DAPK2: variants seen among roughly 807,000 people sequenced by gnomAD.
The protein encoded by DAPK2 is death-associated protein kinase 2.
In DAPK2, 35 loss-of-function variants were observed where a neutral mutation model predicts 44.1. The observed-to-expected ratio is 0.79, with a 90% CI of 0.61 to 1.05. The LOEUF is 1.05. Ranked by LOEUF, DAPK2 falls within the 50% of genes least tolerant of loss-of-function variation. The probability of loss-of-function intolerance (pLI) is 0.00; values close to 1 mark genes in which losing one functional copy is unlikely to be tolerated. For missense variants in DAPK2, 453 were observed against 483.2 expected (o/e 0.94, Z 0.59); for synonymous variants, 174 against 182.6 (o/e 0.95, Z 0.38).
chr15:63,990,598 C>A lies in DAPK2; in HGVS notation c.93-6844G>T, dbSNP rs150998004. Among the ~76,000 whole-genome samples, 1 of 152,250 alleles carries A rather than the reference C, an allele frequency of 6.6e-6. No individual in the cohort carries two copies. Among genetic ancestry groups the A allele is most frequent in the Non-Finnish European group, 1.5e-5 (1 of 68,004 alleles). On this transcript the variant is annotated intron_variant, in intron 1 of 10. Transcript: ENST00000261891. The surrounding 1 kb of genome is among the most constrained non-coding windows in gnomAD (Gnocchi z 4.3). The stretch of plus-strand genomic sequence containing the variant: ...AGGGCCCCAGCCAAGGGACAAGATG[C>A]CACCAGAGGTGAGAGGTACCAAATG...
exon 1 of DAPK2, chr15:64,040,267 C>A: frequency 1.2e-6 from 2 of 1,613,510 alleles, no homozygotes; most frequent in Non-Finnish European, 1.7e-6. Context: ...AACATACAAT[C>A]CTGAAATGGG....
chr15:64,019,734 A>G (rs1181386334), intron 1 of DAPK2, among the ~76,000 whole-genome samples: 1 of 152,226 alleles, frequency 6.6e-6, no homozygotes, highest in African/African-American at 2.4e-5. Flanking sequence ...GAACAAATGA[A>G]TAAGCCAGCC....
chr15:63,925,852 T>C (rs1450091488), intron 7 of DAPK2, 89 bp downstream of exon 8: 2 of 1,543,548 alleles, frequency 1.3e-6, no homozygotes, highest in African/African-American at 2.7e-5. Context: ...GACAGCTATG[T>C]CAAAGTGGGG....
intron 3 of DAPK2, among the ~76,000 whole-genome samples, chr15:63,962,947 A>C (rs913973777): frequency 9.3e-4 from 142 of 152,302 alleles, no homozygotes; most frequent in African/African-American, 3.2e-3. Flanking sequence ...GTGCCCCCAG[A>C]GGTGGAGTCT....
In DAPK2 at chr15:63,939,234, A is replaced by G. The variant is rs761163560; in HGVS notation, c.581T>C (p.Val194Ala). 1.2e-6 allele frequency: 2 copies of G among 1,613,690 alleles called. No homozygotes were observed. Among genetic ancestry groups the G allele is most frequent in the Non-Finnish European group, 8.5e-7 (1 of 1,179,906 alleles). Reference sequence around the variant, plus strand: ...AGACAAACAGGCCTACAACTCACCAACAAATTCCGGCGTCCCAAAAATATT... The same window carrying G: ...AGACAAACAGGCCTACAACTCACCAGCAAATTCCGGCGTCCCAAAAATATT... The change falls in exon 4 of 11, where the codon GTT becomes GCT. Residue 194 changes from valine to alanine, a missense_variant and splice_region_variant. By Grantham distance (64) the Val-to-Ala change is moderately conservative. Transcript: ENST00000261891. This position sits in a 1 kb window ranked among gnomAD's most constrained non-coding sequence, Gnocchi z 4.3.
chr15:63,945,657 C>T (rs187213345), intron 3 of DAPK2, among the ~76,000 whole-genome samples: 11 of 152,314 alleles, frequency 7.2e-5, no homozygotes, highest in Non-Finnish European at 1.3e-4. Flanking sequence ...TGGAAAACTG[C>T]AGGTCCAGCT....
chr15:63,939,440 C>T lies in DAPK2; in HGVS notation c.454-79G>A, dbSNP rs1447663901. 8.3e-6 allele frequency: 12 copies of T among 1,440,658 alleles called. No individual in the cohort carries two copies. In the Admixed American group the frequency reaches 1.2e-4, roughly 14 times the overall value. The allele number at this position is 1,440,658 out of a possible 1,614,324, so 89.2% of individuals were successfully genotyped here. On this transcript the variant is annotated intron_variant, in intron 3 of 10. Coordinates refer to ENST00000261891, the Ensembl canonical transcript of DAPK2. This position sits in a 1 kb window ranked among gnomAD's most constrained non-coding sequence, Gnocchi z 4.3. ...GACGGTAATTAAAGGCTGGTTGGTT[C>T]GTGTTTTGGCTTTGGGGTTTGGGGT...
At chr15:63,943,113 CAA>C (rs5813266) in intron 3 of DAPK2, among the ~76,000 whole-genome samples, 2 of 145,032 alleles carry the variant, frequency 1.4e-5, no homozygotes, top group Non-Finnish European at 1.5e-5. Context: ...ATTCCTTTTG[CAA>C]AAAAAAAAAA....
At chr15:63,948,268 C>T (rs900408930) in intron 3 of DAPK2, among the ~76,000 whole-genome samples, 10 of 10,050 alleles carry the variant, frequency 1.0e-3, no homozygotes, top group East Asian at 0.1. Flanking sequence ...GAGACTCCAT[C>T]TCAAAAAAAA....
At chr15:63,934,621 TATCTC>T (rs1453091479) in intron 4 of DAPK2, among the ~76,000 whole-genome samples, 8 of 152,178 alleles carry the variant, frequency 5.3e-5, no homozygotes, top group African/African-American at 1.7e-4. Context: ...ACAGTGGTGT[TATCTC>T]AGCTCTGTGC....
chr15:63,953,473 A>G (rs535827232), intron 3 of DAPK2, among the ~76,000 whole-genome samples: 3 of 152,302 alleles, frequency 2.0e-5, no homozygotes, highest in African/African-American at 7.2e-5. Context: ...ATGGCTCAAT[A>G]GTACTTATTT....
intron 1 of DAPK2, among the ~76,000 whole-genome samples, chr15:64,021,255 T>C (rs2079674223): frequency 6.6e-6 from 1 of 152,158 alleles, no homozygotes; most frequent in Admixed American, 6.5e-5. Flanking sequence ...CAGCACAGGA[T>C]GATACTGCGA....
chr15:63,955,737 T>A (rs2077706020), intron 3 of DAPK2, among the ~76,000 whole-genome samples: 1 of 151,994 alleles, frequency 6.6e-6, no homozygotes, highest in African/African-American at 2.4e-5. Context: ...CCAGCTAATT[T>A]TTGTATTTTC....
chr15:64,038,893 T>A (rs926047527), intron 1 of DAPK2, among the ~76,000 whole-genome samples: 1 of 152,190 alleles, frequency 6.6e-6, no homozygotes, highest in Non-Finnish European at 1.5e-5. Flanking sequence ...ACCCCTCTGC[T>A]CACTGAGATA....
chr15:63,989,188 CAAAAAA>C (rs55972299), intron 1 of DAPK2, among the ~76,000 whole-genome samples: 64,884 of 109,904 alleles, frequency 0.59, 17,052 homozygotes, highest in Admixed American at 0.65. Context: ...ACTTTGTCTC[CAAAAAA>C]AAAAAAAAAA....
intron 1 of DAPK2, among the ~76,000 whole-genome samples, chr15:64,015,263 C>T (rs1022590022): frequency 6.6e-6 from 1 of 152,112 alleles, no homozygotes; most frequent in African/African-American, 2.4e-5. Context: ...ACAGCATGTT[C>T]GAGGTGGGAA....
At chr15:63,991,507 C>A (rs1326931648) in intron 1 of DAPK2, among the ~76,000 whole-genome samples, 2 of 152,196 alleles carry the variant, frequency 1.3e-5, no homozygotes, top group East Asian at 3.9e-4. Flanking sequence ...AGGTGTGGAA[C>A]CCTCTCTCAA....
intron 5 of DAPK2, chr15:63,929,781 G>A (rs1398222797): frequency 1.4e-6 from 1 of 692,072 alleles, no homozygotes; most frequent in African/African-American, 1.8e-5. Flanking sequence ...TCTGAACCCT[G>A]AGTCCGAAGA....
chr15:63,954,417 A>C (rs979795432), intron 3 of DAPK2, among the ~76,000 whole-genome samples: 4 of 152,144 alleles, frequency 2.6e-5, no homozygotes, highest in Admixed American at 2.0e-4. Flanking sequence ...TCCTTTCCCC[A>C]GTTATGTTGT....
Sources: gnomAD v4.1 joint callset for allele counts (sites outside exome capture counted in the v4.1 genomes callset) on GRCh38, gnomAD v4.1.1 for gene constraint, Gnocchi (gnomAD v3.1) non-coding constraint, MANE v1.5 for transcripts, NCBI Gene and HGNC (gene_info 2026-07-23, HGNC 2026-07-21) for gene names.